FRMD3: variants seen among roughly 807,000 people sequenced by gnomAD.
FRMD3 encodes the protein FERM domain containing 3.
FRMD3 carries 33 observed loss-of-function variants against 70.2 expected under a neutral mutation model. The observed-to-expected ratio is 0.47, with a 90% confidence interval of 0.36 to 0.63. The LOEUF (loss-of-function observed/expected upper bound fraction) is 0.63, where lower values mean the gene tolerates loss of function less well. Ranked by LOEUF, FRMD3 falls within the 20% of genes least tolerant of loss-of-function variation. The probability of loss-of-function intolerance (pLI) is 0.00; values close to 1 mark genes in which losing one functional copy is unlikely to be tolerated. For missense variants in FRMD3, 632 were observed against 711.4 expected, an observed-to-expected ratio of 0.89 and a Z score of 1.27; for synonymous variants, 279 against 255.9, an observed-to-expected ratio of 1.09 and a Z score of -0.86.
chr9:83,518,820 G>C lies in FRMD3; in HGVS notation c.147+19265C>G, dbSNP rs1357680178. Among the ~76,000 whole-genome samples, 4 of 151,864 alleles carry C rather than the reference G, an allele frequency of 2.6e-5. No individual in the cohort carries two copies. In the East Asian group the frequency reaches 7.7e-4, roughly 29 times the overall value. On this transcript the variant is annotated intron_variant, in intron 1 of 13. Coordinates refer to ENST00000304195, the MANE Select transcript of FRMD3 (RefSeq NM_174938.6). ...TATAGACCAATGGAACAGAACAGAG[G>C]CCTCAGAAATAATACCACACATCTA...
the FRMD3 span, among the ~76,000 whole-genome samples, chr9:83,545,368 T>G: frequency 1.2e-3 from 171 of 147,980 alleles, no homozygotes; most frequent in Middle Eastern, 3.4e-3. Flanking sequence ...TTTTTTTTTT[T>G]TTTTTTTGAG....
At chr9:83,295,080 A>T (rs1432634768) in intron 12 of FRMD3, among the ~76,000 whole-genome samples, 3 of 152,244 alleles carry the variant, frequency 2.0e-5, no homozygotes, top group Non-Finnish European at 4.4e-5. Context: ...ATGTACTCCC[A>T]GCATAGAATG....
At chr9:83,546,696 A>G in the FRMD3 span, among the ~76,000 whole-genome samples, 1 of 151,850 alleles carries the variant, frequency 6.6e-6, no homozygotes, top group African/African-American at 2.4e-5. Flanking sequence ...TAAATGTTCC[A>G]CTCCTGGCCA....
chr9:83,568,855 T>C, the FRMD3 span, among the ~76,000 whole-genome samples: 5 of 152,078 alleles, frequency 3.3e-5, no homozygotes, highest in African/African-American at 1.2e-4. Context: ...TCATGCCACA[T>C]TGATCTATAT....
intron 1 of FRMD3, among the ~76,000 whole-genome samples, chr9:83,412,405 G>A (rs12343806): frequency 0.042 from 6,359 of 152,228 alleles, 458 homozygotes; most frequent in African/African-American, 0.14. Context: ...CCTAGAAGTG[G>A]AATTTTTAAG....
chr9:83,404,944 A>C (rs1826057457), intron 1 of FRMD3, among the ~76,000 whole-genome samples: 1 of 152,210 alleles, frequency 6.6e-6, no homozygotes, highest in African/African-American at 2.4e-5. Flanking sequence ...CACAGCCTAT[A>C]TTCCCAAGGG....
chr9:83,567,075 C>T, the FRMD3 span, among the ~76,000 whole-genome samples: 3 of 152,246 alleles, frequency 2.0e-5, no homozygotes, highest in African/African-American at 7.2e-5. Context: ...CAAACTTTTG[C>T]CTGGGCATCC....
intron 1 of FRMD3, among the ~76,000 whole-genome samples, chr9:83,427,942 T>C (rs975573457): frequency 6.6e-6 from 1 of 152,214 alleles, no homozygotes; most frequent in Non-Finnish European, 1.5e-5. Flanking sequence ...CCTACACTGC[T>C]AACAGGAGCA....
rs1832089827 is a variant in FRMD3, at chr9:83,246,266, T to G, written c.*1652A>C. 2.0e-6 allele frequency: 2 copies of G among 985,036 alleles called. No homozygotes were observed. The highest frequency in any genetic ancestry group is 2.4e-6 in the Non-Finnish European group (2 of 829,618). 61.0% of individuals were successfully genotyped at this position (985,036 alleles called of 1,614,324 possible). A position where few individuals can be genotyped will look rare whatever the true frequency, so the allele number is the denominator to read the frequency against. On this transcript the variant is annotated 3_prime_UTR_variant, in exon 14 of 14. Transcript: ENST00000304195. ...GTTTTCAATCCACAGAGAAGCTCTA[T>G]GCTCCATGGCATAAGTTCTAGACTC...
chr9:83,473,513 C>T (rs1033831453), intron 1 of FRMD3, among the ~76,000 whole-genome samples: 3 of 152,170 alleles, frequency 2.0e-5, no homozygotes, highest in African/African-American at 2.4e-5. Flanking sequence ...CTCCAAGTTT[C>T]GTAGAAACAG....
At chr9:83,311,679 C>A (rs1408323468) in intron 8 of FRMD3, among the ~76,000 whole-genome samples, 1 of 152,038 alleles carries the variant, frequency 6.6e-6, no homozygotes, top group African/African-American at 2.4e-5. Flanking sequence ...AGCCCCTGAG[C>A]CCACGCCTCC....
chr9:83,371,423 T>C (rs533668811), intron 3 of FRMD3, among the ~76,000 whole-genome samples: 11 of 152,054 alleles, frequency 7.2e-5, no homozygotes, highest in Non-Finnish European at 1.6e-4. Context: ...TTCAAGCGAT[T>C]CTCCTGCCTC....
At chr9:83,494,831 T>TTA (rs956068643) in intron 1 of FRMD3, among the ~76,000 whole-genome samples, 11 of 115,314 alleles carry the variant, frequency 9.5e-5, no homozygotes, top group South Asian at 2.8e-4. Flanking sequence ...TTCTGTGCAT[T>TTA]TATGTGTGTG....
At chr9:83,450,877 C>T (rs1827633811) in intron 1 of FRMD3, among the ~76,000 whole-genome samples, 1 of 152,136 alleles carries the variant, frequency 6.6e-6, no homozygotes, top group South Asian at 2.1e-4. Context: ...CACACTATTC[C>T]AAATTGGAGG....
chr9:83,494,200 G>A (rs562121472), intron 1 of FRMD3, among the ~76,000 whole-genome samples: 2 of 152,334 alleles, frequency 1.3e-5, no homozygotes, highest in South Asian at 2.1e-4. Context: ...ACACATAAAC[G>A]TGGGAGAACG....
At chr9:83,311,743 T>C in intron 8 of FRMD3, 144 bp downstream of exon 8, 1 of 680,054 alleles carries the variant, frequency 1.5e-6, no homozygotes, top group South Asian at 1.7e-5. Flanking sequence ...GCAACCTAGA[T>C]GTTACATCCC....
chr9:83,537,172 G>A lies in FRMD3; in HGVS notation c.147+913C>T, dbSNP rs1829914661. On this transcript the variant is annotated intron_variant, in intron 1 of 13. Transcript: ENST00000304195. The surrounding 1 kb of genome is among the most constrained non-coding windows in gnomAD (Gnocchi z 4.1). Reference sequence around the variant, plus strand: ...CCACAGCAAATATGCACACGCACGCGCAACCACATGCACACACACACCTTT... The same window carrying A: ...CCACAGCAAATATGCACACGCACGCACAACCACATGCACACACACACCTTT... Among the ~76,000 whole-genome samples the A allele has an allele frequency of 6.6e-6, 1 of 151,904 alleles. No homozygotes were observed. Among genetic ancestry groups the A allele is most frequent in the Non-Finnish European group, 1.5e-5 (1 of 67,994 alleles).
chr9:83,411,982 G>A (rs1286261412), intron 1 of FRMD3, among the ~76,000 whole-genome samples: 1 of 152,112 alleles, frequency 6.6e-6, no homozygotes, highest in African/African-American at 2.4e-5. Flanking sequence ...TGCCCATCTT[G>A]TTTTTAAGGA....
At chr9:83,378,686 TTATA>T (rs1825243432) in intron 2 of FRMD3, among the ~76,000 whole-genome samples, 1 of 96,642 alleles carries the variant, frequency 1.0e-5, no homozygotes, top group South Asian at 2.8e-4. Flanking sequence ...TATATATAAT[TTATA>T]TATTATATAT....
Sources: gnomAD v4.1 joint callset for allele counts (sites outside exome capture counted in the v4.1 genomes callset) on GRCh38, gnomAD v4.1.1 for gene constraint, Gnocchi (gnomAD v3.1) non-coding constraint, MANE v1.5 for transcripts, NCBI Gene and HGNC (gene_info 2026-07-23, HGNC 2026-07-21) for gene names.